RICTOR: variants seen among roughly 807,000 people sequenced by gnomAD.
The protein encoded by RICTOR is rapamycin-insensitive companion of mTOR.
A neutral mutation model predicts 214.9 loss-of-function variants in RICTOR; 49 were observed. That is an observed-to-expected ratio of 0.23 (90% CI 0.18 to 0.29). The LOEUF is 0.29. Among genes scored for constraint, RICTOR ranks in the 10% least tolerant of loss-of-function variants. RICTOR has a pLI of 1.00. For missense variants in RICTOR, 1,625 were observed against 2,047.0 expected (o/e 0.79, Z 3.98); for synonymous variants, 717 against 711.3 (o/e 1.01, Z -0.13).
chr5:39,042,163 T>C (rs1024755230), intron 2 of RICTOR, among the ~76,000 whole-genome samples: 3 of 152,106 alleles, frequency 2.0e-5, no homozygotes, highest in Non-Finnish European at 2.9e-5. Flanking sequence ...TGAAACATGC[T>C]ATAAAGGCTG....
At chr5:38,960,576 A>C (rs1228369705) in intron 19 of RICTOR, 43 bp from the exon 20 acceptor site, 3 of 1,591,674 alleles carry the variant, frequency 1.9e-6, no homozygotes, top group South Asian at 2.2e-5. Flanking sequence ...GAAATGAAGC[A>C]ATTATTTTAG....
At chr5:38,942,427 TATAAC>T (rs770385545) in intron 37 of RICTOR, 49 bp from the exon 38 acceptor site, 15 of 1,057,880 alleles carry the variant, frequency 1.4e-5, no homozygotes, top group African/African-American at 8.0e-5. Context: ...AAACAGATGA[TATAAC>T]ATATTTATAT....
At chr5:38,982,189 G>GT (rs1197871072) in intron 7 of RICTOR, among the ~76,000 whole-genome samples, 153 bp from the exon 8 acceptor site, 3 of 152,150 alleles carry the variant, frequency 2.0e-5, no homozygotes, top group African/African-American at 4.8e-5. Flanking sequence ...AGTGGAAAAT[G>GT]TAAGAGTCAC....
chr5:39,021,065 G>A lies in RICTOR; in HGVS notation c.169C>T (p.Leu57=). Residue 57 remains leucine, a synonymous_variant, in exon 3 of 38, where the codon CTA becomes TTA. Coordinates refer to ENST00000357387, the MANE Select transcript of RICTOR (RefSeq NM_152756.5). The stretch of plus-strand genomic sequence containing the variant: ...TTAGTAAAGTTATTCAGATGGCCTA[G>A]CTTTCTCATATTTGATACTCCCTGC... ...RLQGVSNMRK[L]GHLNNFTKLL... is the part of the protein sequence containing the mutation. 6.3e-7 allele frequency: 1 copy of A among 1,584,540 alleles called. No homozygotes were observed. Among genetic ancestry groups the A allele is most frequent in the Non-Finnish European group, 8.7e-7 (1 of 1,153,232 alleles).
intron 6 of RICTOR, among the ~76,000 whole-genome samples, chr5:38,993,321 A>G (rs1752924588): frequency 6.6e-6 from 1 of 152,236 alleles, no homozygotes; most frequent in African/African-American, 2.4e-5. Flanking sequence ...TATATGAAAA[A>G]AATGACAGCT....
chr5:38,968,965 GTTTTTTTTTTTTTTTT>G (rs70982522), intron 11 of RICTOR, among the ~76,000 whole-genome samples: 1 of 95,488 alleles, frequency 1.0e-5, no homozygotes, highest in African/African-American at 4.2e-5. Flanking sequence ...CGGGGGAGGA[GTTTTTTTTTTTTTTTT>G]TTTTTTTTTG....
chr5:38,973,980 G>T (rs111470423), intron 10 of RICTOR, among the ~76,000 whole-genome samples: 12,832 of 152,140 alleles, frequency 0.084, 734 homozygotes, highest in Middle Eastern at 0.15. Context: ...TGCTTTCAAG[G>T]TTTTAACTTA....
intron 3 of RICTOR, among the ~76,000 whole-genome samples, chr5:39,010,164 G>A (rs190311040): frequency 6.6e-6 from 1 of 152,160 alleles, no homozygotes; most frequent in East Asian, 1.9e-4. Flanking sequence ...ACCCAATCTC[G>A]TCTGACAGTG....
At position 38,959,821 on chromosome 5, in the gene RICTOR, G is replaced by C. The variant is rs371271117; in HGVS notation, c.2009C>G (p.Pro670Arg). The change falls in exon 21 of 38, where the codon CCT becomes CGT. Residue 670 changes from proline to arginine, a missense_variant. This residue lies in a region of RICTOR where 1,214 missense variants were observed against 1,470.5 expected (regional missense o/e 0.83). Coordinates refer to ENST00000357387, the MANE Select transcript of RICTOR (RefSeq NM_152756.5). ...FLFIGTLSCH[P>R]HGVKMLEKCS... is the part of the protein sequence containing the mutation. ...TTTTTCCAGCATTTTAACTCCATGA[G>C]GGTGGCAAGAAAGTGTTCCAATAAA... 6 of 1,613,388 alleles carry C rather than the reference G, an allele frequency of 3.7e-6. No individual in the cohort carries two copies. In the African/African-American group the frequency reaches 8.0e-5, roughly 22 times the overall value.
chr5:39,043,190 A>AT (rs1418033625), intron 2 of RICTOR, among the ~76,000 whole-genome samples: 5 of 152,158 alleles, frequency 3.3e-5, no homozygotes, highest in African/African-American at 1.2e-4. Context: ...GAGATACCAT[A>AT]TTTTTTGCAC....
chr5:39,061,410 T>C (rs1271573831), intron 2 of RICTOR, among the ~76,000 whole-genome samples: 1 of 152,102 alleles, frequency 6.6e-6, no homozygotes, highest in Non-Finnish European at 1.5e-5. Context: ...GTCTGAGTGA[T>C]GGTGGATGAC....
intron 3 of RICTOR, among the ~76,000 whole-genome samples, chr5:39,014,366 T>C (rs925592011): frequency 3.9e-5 from 6 of 152,108 alleles, no homozygotes; most frequent in Non-Finnish European, 7.4e-5. Context: ...AAAAGGATAC[T>C]TTCTAGTGGT....
chr5:38,999,621 A>G (rs1446163054), intron 5 of RICTOR, among the ~76,000 whole-genome samples: 1 of 152,140 alleles, frequency 6.6e-6, no homozygotes, highest in Non-Finnish European at 1.5e-5. Flanking sequence ...AAAGAAGCAA[A>G]AAAAAGGAGA....
At chr5:38,990,210 G>A (rs1218624890) in intron 7 of RICTOR, among the ~76,000 whole-genome samples, 2 of 152,098 alleles carry the variant, frequency 1.3e-5, no homozygotes, top group Admixed American at 6.6e-5. Context: ...GATGAAGCTG[G>A]AACCTATCAT....
chr5:39,005,600 T>C (rs1056303930), intron 3 of RICTOR, among the ~76,000 whole-genome samples: 4 of 152,218 alleles, frequency 2.6e-5, no homozygotes, highest in South Asian at 2.1e-4. Context: ...AGGTTTCATC[T>C]AATAAACCTG....
chr5:38,968,157 A>G (rs933080477), intron 11 of RICTOR, 127 bp from the exon 12 acceptor site: 6 of 627,002 alleles, frequency 9.6e-6, no homozygotes, highest in Non-Finnish European at 2.9e-6. Flanking sequence ...TCACATAACA[A>G]TATTTTAGTC....
In RICTOR at chr5:39,004,774, CTCTT is replaced by C. The variant is rs1327873329; in HGVS notation, c.196-1156_196-1153del. On this transcript the variant is annotated intron_variant, in intron 3 of 37. Transcript: ENST00000357387. ...GAGCCACCGCACTGGGCCTCTCAGA[CTCTT>C]TTTTTTTTTTTTTTTTTTTTGAGAT... Among the ~76,000 whole-genome samples, 10 of 139,736 alleles carry C rather than the reference CTCTT, an allele frequency of 7.2e-5. No homozygotes were observed. In the South Asian group the frequency reaches 1.9e-3, roughly 27 times the overall value. The allele number at this position is 139,736 out of a possible 152,430, so 91.7% of individuals were successfully genotyped here. A position where few individuals can be genotyped will look rare whatever the true frequency, so the allele number is the denominator to read the frequency against.
At chr5:39,029,755 G>A (rs7713236) in intron 2 of RICTOR, among the ~76,000 whole-genome samples, 94,426 of 152,030 alleles carry the variant, frequency 0.62, 29,394 homozygotes, top group African/African-American at 0.66. Flanking sequence ...GGAAATATTT[G>A]CCTACTTTAA....
chr5:38,982,865 T>G (rs950401477), intron 7 of RICTOR, among the ~76,000 whole-genome samples: 4 of 151,960 alleles, frequency 2.6e-5, no homozygotes, highest in African/African-American at 9.7e-5. Context: ...TATATTCTCT[T>G]TCAAAAATGT....
Sources: allele counts gnomAD v4.1 joint callset (sites outside exome capture counted in the v4.1 genomes callset), GRCh38; gene constraint gnomAD v4.1.1; regional missense constraint gnomAD v4.1.1; transcripts MANE v1.5; gene names NCBI Gene and HGNC (gene_info 2026-07-23, HGNC 2026-07-21).